CPVL: variants seen among roughly 807,000 people sequenced by gnomAD.
CPVL encodes the protein probable serine carboxypeptidase CPVL.
In CPVL, 51 loss-of-function variants were observed where a neutral mutation model predicts 63.7. The observed-to-expected ratio is 0.80, with a 90% CI of 0.64 to 1.01. The LOEUF (loss-of-function observed/expected upper bound fraction) is 1.01, where lower values mean the gene tolerates loss of function less well. Among genes scored for constraint, CPVL ranks in the 50% least tolerant of loss-of-function variants. The pLI is 0.00. For synonymous variants in CPVL, 195 were observed against 206.0 expected (o/e 0.95, Z 0.46); for missense variants, 530 against 573.1 (o/e 0.92, Z 0.77).
rs185044897 is a variant in CPVL, at chr7:29,095,670, C to T, written c.403+433G>A. ...TGTTGCTCTTTCTTTATCCTTCCTC[C>T]GCCTCAGCCCCCACCGGGAATAGCG... On this transcript the variant is annotated intron_variant, in intron 4 of 12. Coordinates refer to ENST00000265394, the MANE Select transcript of CPVL (RefSeq NM_031311.5). 2.2e-4 allele frequency among the ~76,000 whole-genome samples: 34 copies of T among 151,900 alleles called. No homozygotes were observed. In the East Asian group the frequency reaches 2.9e-3, roughly 13 times the overall value.
chr7:29,138,201 G>A (rs923339304), intron 1 of CPVL, among the ~76,000 whole-genome samples: 1 of 152,218 alleles, frequency 6.6e-6, no homozygotes, highest in African/African-American at 2.4e-5. Flanking sequence ...ACTTTGGGAG[G>A]CCAAGGTGGG....
chr7:29,168,288 T>C (rs1796168505), intron 5 of CPVL, among the ~76,000 whole-genome samples: 1 of 152,234 alleles, frequency 6.6e-6, no homozygotes, highest in African/African-American at 2.4e-5. Flanking sequence ...AGAAGTTCTT[T>C]AGACATTTTG....
At chr7:29,083,957 GGATCAGAGATAA>G (rs1784978078) in intron 7 of CPVL, among the ~76,000 whole-genome samples, 1 of 151,520 alleles carries the variant, frequency 6.6e-6, no homozygotes, top group Non-Finnish European at 1.5e-5. Context: ...CAAGACTCGT[GGATCAGAGATAA>G]TATTTCTCTA....
At chr7:29,091,473 C>T (rs1785778904) in intron 6 of CPVL, among the ~76,000 whole-genome samples, 1 of 152,140 alleles carries the variant, frequency 6.6e-6, no homozygotes, top group Admixed American at 6.5e-5. Context: ...GAGCCCTGGC[C>T]CTGGCTCTGA....
At chr7:29,068,941 C>G (rs547424203) in intron 9 of CPVL, among the ~76,000 whole-genome samples, 48 of 150,952 alleles carry the variant, frequency 3.2e-4, no homozygotes, top group African/African-American at 1.1e-3. Flanking sequence ...CCTCGGCCTC[C>G]CAAAGTGCTG....
At chr7:29,183,424 T>A (rs1159651679) in intron 4 of CPVL, among the ~76,000 whole-genome samples, 1 of 151,036 alleles carries the variant, frequency 6.6e-6, no homozygotes, top group Non-Finnish European at 1.5e-5. Flanking sequence ...TTGCCCAGGC[T>A]GGAGTGAGGT....
chr7:29,095,985 T>A, intron 4 of CPVL, 118 bp downstream of exon 4: 1 of 837,800 alleles, frequency 1.2e-6, no homozygotes, highest in Admixed American at 1.9e-5. Flanking sequence ...TGTGTTTTGA[T>A]AATCTGGAAC....
In CPVL at chr7:29,045,734, T is replaced by C. The variant is rs150304047; in HGVS notation, c.1138-14975A>G. Among the ~76,000 whole-genome samples the C allele has an allele frequency of 3.2e-3, 484 of 152,346 alleles. 3 individuals carry two copies. Among genetic ancestry groups the C allele is most frequent in the African/African-American group, 0.011 (459 of 41,580 alleles). On this transcript the variant is annotated intron_variant, in intron 11 of 12. Coordinates refer to ENST00000265394, the MANE Select transcript of CPVL (RefSeq NM_031311.5). Reference sequence around the variant, plus strand: ...TTTATCAAATCTAGTTTCCTGGCCATGATTACCATCAACATTTTGCCATCA... The same window carrying C: ...TTTATCAAATCTAGTTTCCTGGCCACGATTACCATCAACATTTTGCCATCA...
At chr7:29,088,563 C>T (rs895239799) in intron 6 of CPVL, among the ~76,000 whole-genome samples, 3 of 152,056 alleles carry the variant, frequency 2.0e-5, no homozygotes, top group Non-Finnish European at 4.4e-5. Context: ...TTTACATATG[C>T]CATTTGCTCA....
intron 11 of CPVL, among the ~76,000 whole-genome samples, chr7:29,057,432 T>C (rs1163189227): frequency 6.6e-6 from 1 of 152,224 alleles, no homozygotes; most frequent in African/African-American, 2.4e-5. Flanking sequence ...AAATATTTTC[T>C]CCCACTCTGT....
At chr7:29,093,395 A>G (rs1016981920) in intron 5 of CPVL, among the ~76,000 whole-genome samples, 24 of 136,568 alleles carry the variant, frequency 1.8e-4, no homozygotes, top group South Asian at 7.6e-4. Context: ...AAAAAAAAAA[A>G]AAAGAAAGAA....
At chr7:29,022,097 C>A (rs1213130084) in intron 12 of CPVL, among the ~76,000 whole-genome samples, 1 of 152,144 alleles carries the variant, frequency 6.6e-6, no homozygotes, top group Admixed American at 6.5e-5. Flanking sequence ...CAAATCCTTA[C>A]CCCCCAGCAG....
At chr7:29,108,178 T>C (rs1562773065) in intron 3 of CPVL, among the ~76,000 whole-genome samples, 1 of 152,298 alleles carries the variant, frequency 6.6e-6, no homozygotes, top group East Asian at 1.9e-4. Flanking sequence ...TCTGGGCCTT[T>C]CCTCTTGGCC....
intron 9 of CPVL, among the ~76,000 whole-genome samples, chr7:29,068,338 A>T (rs984498715): frequency 1.3e-5 from 2 of 152,150 alleles, no homozygotes; most frequent in African/African-American, 4.8e-5. Flanking sequence ...TTTTTCAAAC[A>T]TGAAAGAACT....
At position 29,064,143 on chromosome 7, in the gene CPVL, C is replaced by A. The variant is rs769891443; in HGVS notation, c.1055G>T (p.Gly352Val). ...IHVGNQTFND[G>V]TIVEKYLRED... The stretch of plus-strand genomic sequence containing the variant: ...TCGCAAGTACTTTTCAACTATAGTT[C>A]CATCATTAAAAGTCTGATTCCCCAC... The change falls in exon 11 of 13, where the codon GGA becomes GTA. Residue 352 changes from glycine (G) to valine (V), a missense_variant. Physicochemically the swap from Gly to Val is moderately radical, Grantham distance 109. Transcript: ENST00000265394. 4 of 1,612,294 alleles carry A rather than the reference C, an allele frequency of 2.5e-6. No homozygotes were observed. The Admixed American group carries it at 6.7e-5, about 27-fold the overall frequency.
At position 29,064,053 on chromosome 7, in the gene CPVL, T is replaced by C; in HGVS notation, c.1137+8A>G. 1 of 1,595,086 alleles carries C rather than the reference T, an allele frequency of 6.3e-7. No individual in the cohort carries two copies. The highest frequency in any genetic ancestry group is 8.6e-7 in the Non-Finnish European group (1 of 1,164,510). ...TTCCTAAAATAGTAACTGAAGTAGC[T>C]CTCTTACCTTATAATTATTCATGAT... On this transcript the variant is annotated splice_region_variant and intron_variant, in intron 11 of 12. Transcript: ENST00000265394.
intron 2 of CPVL, among the ~76,000 whole-genome samples, chr7:29,186,260 A>T (rs191712025): frequency 1.6e-3 from 249 of 152,256 alleles, no homozygotes; most frequent in Admixed American, 3.3e-3. Context: ...AGGCAAAAAA[A>T]AAATGACAGT....
At chr7:29,035,127 A>G (rs1400090166) in intron 11 of CPVL, among the ~76,000 whole-genome samples, 1 of 152,180 alleles carries the variant, frequency 6.6e-6, no homozygotes, top group Non-Finnish European at 1.5e-5. Context: ...CAGAGATGAG[A>G]AAAGCATCTT....
At chr7:29,105,640 AT>A (rs1787649042) in intron 3 of CPVL, among the ~76,000 whole-genome samples, 1 of 152,154 alleles carries the variant, frequency 6.6e-6, no homozygotes, top group African/African-American at 2.4e-5. Context: ...CCACAGAGTC[AT>A]TTTAATTTTT....
Sources: allele counts gnomAD v4.1 joint callset (sites outside exome capture counted in the v4.1 genomes callset), GRCh38; gene constraint gnomAD v4.1.1; transcripts MANE v1.5; gene names NCBI Gene and HGNC (gene_info 2026-07-23, HGNC 2026-07-21).